Variants in ANK2 observed in about 807,000 individuals in gnomAD.
ANK2 encodes ankyrin 2, also known as ankyrin-2.
In ANK2, 83 loss-of-function variants were observed where a neutral mutation model predicts 360.5. That is an observed-to-expected ratio of 0.23 (90% confidence interval 0.19 to 0.28). The LOEUF (loss-of-function observed/expected upper bound fraction) is 0.28. Among genes scored for constraint, ANK2 ranks in the 10% least tolerant of loss-of-function variants. ANK2 has a pLI of 1.00. For synonymous variants in ANK2, 1,740 were observed against 1,759.5 expected (o/e 0.99, Z 0.28); for missense variants, 4,201 against 4,795.7 (o/e 0.88, Z 3.66).
chr4:112,841,265 G>C (rs988449103), intron 1 of ANK2, among the ~76,000 whole-genome samples: 2 of 152,190 alleles, frequency 1.3e-5, no homozygotes, highest in African/African-American at 2.4e-5. Context: ...TGCATATTTA[G>C]AAGGCTGAAC....
At chr4:113,238,338 A>G (rs1255813293) in intron 7 of ANK2, among the ~76,000 whole-genome samples, 1 of 152,186 alleles carries the variant, frequency 6.6e-6, no homozygotes, top group East Asian at 1.9e-4. Flanking sequence ...CCTATACTCA[A>G]AAACAAGTGA....
chr4:113,293,262 A>G (rs1184368485), intron 21 of ANK2, 178 bp from the exon 22 acceptor site: 3 of 703,428 alleles, frequency 4.3e-6, no homozygotes, highest in East Asian at 5.4e-5. Flanking sequence ...CCTGGCCTAT[A>G]GTCTGAAGAA....
intron 4 of ANK2, among the ~76,000 whole-genome samples, chr4:113,218,190 A>G (rs1025278294): frequency 2.0e-5 from 3 of 152,232 alleles, no homozygotes; most frequent in African/African-American, 7.2e-5. Context: ...TACATGTAAT[A>G]TGATATGAAA....
Position 112,941,338 on chromosome 4 carries a change from T to G in ANK2, c.21+36824T>G, listed in dbSNP as rs923043388. Among the ~76,000 whole-genome samples, 28 of 146,126 alleles carry G rather than the reference T, an allele frequency of 1.9e-4. 1 individual carries two copies. The East Asian group carries it at 5.3e-3, about 28-fold the overall frequency. ...ATAAAAGATATATAAATATACTACA[T>G]ATAAAAAGTTATATATTAAATATAT... is the stretch of plus-strand genomic sequence containing the variant. On this transcript the variant is annotated intron_variant, in intron 2 of 30. Transcript: ENST00000503271.
chr4:113,034,301 T>C (rs2061093187), intron 2 of ANK2, among the ~76,000 whole-genome samples: 1 of 152,036 alleles, frequency 6.6e-6, no homozygotes, highest in Non-Finnish European at 1.5e-5. Flanking sequence ...TATAACCTGA[T>C]GTAGTTTTTC....
chr4:113,287,652 T>C lies in ANK2; in HGVS notation c.2127T>C (p.Asn709=), dbSNP rs113454484. 49 of 1,613,694 alleles carry C rather than the reference T, an allele frequency of 3.0e-5. No homozygotes were observed. The African/African-American group carries it at 4.1e-4, about 14-fold the overall frequency. ...TTGCAGCCCAGGAAGATAAAGTGAA[T>C]GTTGCTGATATTCTCACCAAGCATG... The part of the protein sequence containing the change: ...LHLAAQEDKV[N]VADILTKHGA... The change falls in exon 19 of 46, where the codon AAT becomes AAC. Residue 709 remains asparagine, a synonymous_variant. Transcript: ENST00000357077.
At chr4:113,021,543 T>TATAG (rs2058164237) in intron 2 of ANK2, among the ~76,000 whole-genome samples, 1 of 40,700 alleles carries the variant, frequency 2.5e-5, no homozygotes, top group African/African-American at 5.7e-5. Context: ...CACACAAACA[T>TATAG]ATATATATAT....
chr4:113,258,474 G>C (rs1373853035), intron 13 of ANK2, 63 bp downstream of exon 13: 1 of 1,460,548 alleles, frequency 6.8e-7, no homozygotes, highest in Middle Eastern at 1.7e-4. Flanking sequence ...GAGATTGTGG[G>C]TGTGTGTATG....
chr4:113,220,851 T>G (rs771222261), intron 4 of ANK2, among the ~76,000 whole-genome samples: 7 of 152,206 alleles, frequency 4.6e-5, no homozygotes, highest in Non-Finnish European at 1.0e-4. Context: ...AAAGTAAACT[T>G]TTAGTCAATC....
At chr4:112,859,476 A>C (rs1240551479) in intron 1 of ANK2, among the ~76,000 whole-genome samples, 2 of 152,198 alleles carry the variant, frequency 1.3e-5, no homozygotes, top group Admixed American at 6.5e-5. Context: ...TGTATGTTTT[A>C]CTGATCTACC....
intron 40 of ANK2, among the ~76,000 whole-genome samples, chr4:113,364,175 C>T (rs1311012562): frequency 6.6e-6 from 1 of 152,104 alleles, no homozygotes; most frequent in Non-Finnish European, 1.5e-5. Context: ...GCATTGGTTC[C>T]TCAAAAATTG....
At chr4:113,160,785 T>C (rs1464340402) in intron 1 of ANK2, among the ~76,000 whole-genome samples, 1 of 152,218 alleles carries the variant, frequency 6.6e-6, no homozygotes, top group Admixed American at 6.5e-5. Flanking sequence ...GCACAACATC[T>C]AGCACAGTGC....
chr4:113,143,170 T>C (rs2096703331), intron 1 of ANK2, among the ~76,000 whole-genome samples: 1 of 136,540 alleles, frequency 7.3e-6, no homozygotes, highest in Non-Finnish European at 1.6e-5. Context: ...CAGGTATATC[T>C]TGTAAAGAGC....
Position 113,333,146 on chromosome 4 carries a change from A to C in ANK2, c.3317A>C (p.Lys1106Thr). The C allele has an allele frequency of 1.9e-6, 3 of 1,614,244 alleles. No individual in the cohort carries two copies. The highest frequency in any genetic ancestry group is 2.5e-6 in the Non-Finnish European group (3 of 1,180,046). ...CGCAGTGAGAATGGGGACAGCTGGA[A>C]AGAGCATTTCTGTGACTACACTGAA... ...VLRSENGDSW[K>T]EHFCDYTEDE... is the part of the protein sequence containing the mutation. Residue 1106 changes from lysine (K) to threonine (T), a missense_variant, in exon 29 of 46, where the codon AAA becomes ACA. This residue lies in a region of ANK2 where 1,268 missense variants were observed against 1,650.8 expected (regional missense o/e 0.77). Transcript: ENST00000357077.
intron 2 of ANK2, among the ~76,000 whole-genome samples, chr4:112,923,820 C>G (rs964023826): frequency 6.6e-6 from 1 of 151,908 alleles, no homozygotes; most frequent in Non-Finnish European, 1.5e-5. Context: ...AATAAAACGC[C>G]CAGATTCTTG....
the ANK2 span, among the ~76,000 whole-genome samples, chr4:112,751,366 C>T: frequency 2.6e-5 from 4 of 152,196 alleles, no homozygotes; most frequent in African/African-American, 7.2e-5. Flanking sequence ...CAGAAAGCTG[C>T]AGTCCAGTCC....
upstream of ANK2, among the ~76,000 whole-genome samples, chr4:112,814,494 TG>T (rs1191269560): frequency 6.6e-6 from 1 of 152,194 alleles, no homozygotes; most frequent in Non-Finnish European, 1.5e-5. Context: ...TTACCCAGTC[TG>T]GAGTGCAGTG....
At chr4:113,167,273 T>C (rs2097780192) in intron 1 of ANK2, among the ~76,000 whole-genome samples, 1 of 152,134 alleles carries the variant, frequency 6.6e-6, no homozygotes, top group Admixed American at 6.5e-5. Flanking sequence ...TAAAGATGGG[T>C]TCTCACTCTG....
intron 45 of ANK2, 85 bp downstream of exon 45, chr4:113,373,534 T>C (rs775911399): frequency 4.9e-6 from 7 of 1,430,274 alleles, no homozygotes; most frequent in Non-Finnish European, 6.9e-6. Context: ...TGTTTATTCA[T>C]ATTTTCCTCA....
Sources: gnomAD v4.1 joint callset for allele counts (sites outside exome capture counted in the v4.1 genomes callset) on GRCh38, gnomAD v4.1.1 for gene constraint, gnomAD v4.1.1 regional missense constraint, MANE v1.5 for transcripts, NCBI Gene and HGNC (gene_info 2026-07-23, HGNC 2026-07-21) for gene names.